The following AKAP1 variants were observed in gnomAD, a reference collection of about 807,000 sequenced individuals.
The protein encoded by AKAP1 is A-kinase anchor protein 1, mitochondrial.
AKAP1 carries 32 observed loss-of-function variants against 79.8 expected under a neutral mutation model. That is an observed-to-expected ratio of 0.40 (90% CI 0.30 to 0.54). The LOEUF is 0.54. Among genes scored for constraint, AKAP1 ranks in the 20% least tolerant of loss-of-function variants. The pLI, the probability that AKAP1 is intolerant of heterozygous loss-of-function variation, is 0.47. For synonymous variants in AKAP1, 416 were observed against 466.7 expected (o/e 0.89, Z 1.40); for missense variants, 961 against 1,138.9 (o/e 0.84, Z 2.25).
chr17:57,107,249 G>T, intron 2 of AKAP1, 71 bp downstream of exon 2: 1 of 1,524,468 alleles, frequency 6.6e-7, no homozygotes, highest in Non-Finnish European at 8.8e-7. Flanking sequence ...CTGCCAGTCT[G>T]CCTCTCCCTT....
At position 57,114,483 on chromosome 17, in the gene AKAP1, G is replaced by A. The variant is rs756066356; in HGVS notation, c.2128G>A (p.Val710Met). 9 of 1,614,070 alleles carry A rather than the reference G, an allele frequency of 5.6e-6. No individual in the cohort carries two copies. The highest frequency in any genetic ancestry group is 2.2e-5 in the East Asian group (1 of 44,882). Residue 710 changes from valine to methionine, a missense_variant, in exon 6 of 11, where the codon GTG (valine) becomes ATG (methionine). Transcript: ENST00000337714. Reference protein sequence around the residue: ...SWLMLPDGITVEVIVVNQVNA... With the variant: ...SWLMLPDGITMEVIVVNQVNA... ...GCTCATGCTGCCTGATGGCATCACC[G>A]TGGAGGTCATTGTGGTCAACCAGGT...
At position 57,107,032 on chromosome 17, in the gene AKAP1, C is replaced by T; in HGVS notation, c.1568C>T (p.Thr523Ile). 6.2e-7 allele frequency: 1 copy of T among 1,614,202 alleles called. No individual in the cohort carries two copies. Among genetic ancestry groups the T allele is most frequent in the Non-Finnish European group, 8.5e-7 (1 of 1,180,040 alleles). Residue 523 changes from threonine to isoleucine, a missense_variant, in exon 2 of 11, where the codon ACC becomes ATC. Transcript: ENST00000337714. ...TSGLEDSCTE[T>I]SSSPRDKAIT... ...GGGCTTGAAGACTCTTGCACAGAGA[C>T]CAGCTCGAGCCCCAGGGACAAGGCC... is the stretch of plus-strand genomic sequence containing the variant.
chr17:57,119,910 T>C (rs1465712627), intron 10 of AKAP1, among the ~76,000 whole-genome samples: 1 of 142,064 alleles, frequency 7.0e-6, no homozygotes, highest in Non-Finnish European at 1.5e-5. Flanking sequence ...TGGCTCACTG[T>C]AACCTCCGCC....
intron 2 of AKAP1, chr17:57,107,805 C>T (rs1415881056): frequency 6.8e-6 from 3 of 439,272 alleles, no homozygotes; most frequent in African/African-American, 2.1e-5. Flanking sequence ...CATGTCTTCA[C>T]CTGCTTTCCT....
intron 5 of AKAP1, 76 bp from the exon 6 acceptor site, chr17:57,114,383 C>T: frequency 1.9e-6 from 3 of 1,542,828 alleles, no homozygotes; most frequent in Non-Finnish European, 2.6e-6. Flanking sequence ...AGAGACTTGC[C>T]CTTGGGTCTC....
rs145637922 is a variant in AKAP1, at chr17:57,120,343, A to G, written c.*19A>G. Reference sequence around the variant, plus strand: ...CCTTTGACCCCCATGCTGCTTCCTGAGAGTCTTTTTTTGCACTGTTGAAAT... The same window carrying G: ...CCTTTGACCCCCATGCTGCTTCCTGGGAGTCTTTTTTTGCACTGTTGAAAT... On this transcript the variant is annotated 3_prime_UTR_variant, in exon 11 of 11. Transcript: ENST00000337714. The G allele has an allele frequency of 8.3e-4, 1,340 of 1,605,286 alleles. 19 individuals carry two copies. In the East Asian group the frequency reaches 0.027, roughly 33 times the overall value.
chr17:57,110,006 G>A lies in AKAP1; in HGVS notation c.1715-19G>A, dbSNP rs1271976852. 1.2e-6 allele frequency: 2 copies of A among 1,612,972 alleles called. No homozygotes were observed. The highest frequency in any genetic ancestry group is 1.3e-5 in the African/African-American group (1 of 74,922). Reference sequence around the variant, plus strand: ...GTGGGGTCTGTGTGTGTGCGTGCCTGCTGCTTCTTCCCCTGCAGGTTCTGA... The same window carrying A: ...GTGGGGTCTGTGTGTGTGCGTGCCTACTGCTTCTTCCCCTGCAGGTTCTGA... On this transcript the variant is annotated intron_variant, in intron 2 of 10. Coordinates refer to ENST00000337714, the MANE Select transcript of AKAP1 (RefSeq NM_003488.4).
chr17:57,111,999 T>C (rs1915276846), intron 4 of AKAP1, 75 bp downstream of exon 4: 1 of 1,543,122 alleles, frequency 6.5e-7, no homozygotes, highest in African/African-American at 1.4e-5. Flanking sequence ...TGAGTTTCAA[T>C]TGCTATCTTT....
At chr17:57,119,830 C>CTTTTTTTTTTCTTTTT (rs1915811222) in intron 10 of AKAP1, among the ~76,000 whole-genome samples, 1 of 70,290 alleles carries the variant, frequency 1.4e-5, no homozygotes, top group Non-Finnish European at 2.5e-5. Flanking sequence ...CCCTGTTACT[C>CTTTTTTTTTTCTTTTT]TTTTTTTTTT....
rs1567906000 is a variant in AKAP1 at position 57,105,804 on chromosome 17, A to G, written c.340A>G (p.Thr114Ala). 3 of 1,614,126 alleles carry G rather than the reference A, an allele frequency of 1.9e-6. No homozygotes were observed. Among genetic ancestry groups the G allele is most frequent in the Non-Finnish European group, 2.5e-6 (3 of 1,180,024 alleles). The stretch of plus-strand genomic sequence containing the variant: ...AGAGTCCTCGGGCATTCTTCCTAAC[A>G]CCACAGACATGAGATTGCGACCAGG... ...RSESSGILPN[T>A]TDMRLRPGTR... The change falls in exon 2 of 11, where the codon ACC (threonine) becomes GCC (alanine). Residue 114 changes from threonine to alanine, a missense_variant. By Grantham distance (58) the Thr-to-Ala change is moderately conservative. Transcript: ENST00000337714.
intron 10 of AKAP1, among the ~76,000 whole-genome samples, chr17:57,119,973 C>T (rs1009713975): frequency 6.6e-6 from 1 of 151,530 alleles, no homozygotes; most frequent in South Asian, 2.1e-4. Context: ...TTACAGGTGC[C>T]TGCCACCACA....
Position 57,113,594 on chromosome 17 carries a change from CTTTT to C in AKAP1, c.2104-842_2104-839del, listed in dbSNP as rs1036422001. On this transcript the variant is annotated intron_variant, in intron 5 of 10. Transcript: ENST00000337714. ...GGAGGCTCGGTCGTAGACTCACTCTCTTTTTTTTTTTTTTTTTTTTTTTTTTGAG... is the reference window on the plus strand; with the variant it reads ...GGAGGCTCGGTCGTAGACTCACTCTCTTTTTTTTTTTTTTTTTTTTTTGAG... Among the ~76,000 whole-genome samples the C allele has an allele frequency of 7.9e-4, 65 of 82,494 alleles. 1 individual carries two copies. The highest frequency in any genetic ancestry group is 3.3e-3 in the African/African-American group (56 of 17,012). 54.1% of individuals were successfully genotyped at this position (82,494 alleles called of 152,430 possible).
At position 57,105,765 on chromosome 17, in the gene AKAP1, C is replaced by T. The variant is rs1183074552; in HGVS notation, c.301C>T (p.Pro101Ser). The T allele has an allele frequency of 1.2e-6, 2 of 1,614,218 alleles. No homozygotes were observed. The highest frequency in any genetic ancestry group is 2.2e-5 in the East Asian group (1 of 44,890). The change falls in exon 2 of 11, where the codon CCT becomes TCT. Residue 101 changes from proline to serine, a missense_variant. Physicochemically the swap from Pro to Ser is moderately conservative, Grantham distance 74. Coordinates refer to ENST00000337714, the MANE Select transcript of AKAP1 (RefSeq NM_003488.4). The stretch of plus-strand genomic sequence containing the variant: ...CCCAGCATTGCTCCAGACACACCCA[C>T]CTTGCCGAAGATCAGAGTCCTCGGG... ...EPPALLQTHP[P>S]CRRSESSGIL...
intron 1 of AKAP1, among the ~76,000 whole-genome samples, chr17:57,097,239 T>C (rs1914173000): frequency 1.0e-5 from 1 of 95,816 alleles, no homozygotes; most frequent in Non-Finnish European, 2.1e-5. Context: ...CCTGGCCCTC[T>C]TTGAGAAAGC....
intron 2 of AKAP1, among the ~76,000 whole-genome samples, chr17:57,107,575 G>A (rs1914973549): frequency 1.3e-5 from 2 of 152,146 alleles, no homozygotes; most frequent in South Asian, 4.1e-4. Context: ...GGGCTCAAGT[G>A]ATCCTTCCGC....
chr17:57,099,725 G>C lies in AKAP1; in HGVS notation c.-24-5716G>C, dbSNP rs117792148. 3.1e-3 allele frequency among the ~76,000 whole-genome samples: 478 copies of C among 152,302 alleles called. 3 individuals are homozygous for C. Among genetic ancestry groups the C allele is most frequent in the South Asian group, 7.1e-3 (34 of 4,822 alleles). On this transcript the variant is annotated intron_variant, in intron 1 of 10. Coordinates refer to ENST00000337714, the MANE Select transcript of AKAP1 (RefSeq NM_003488.4). ...AGTGGTGGTGTCCTGGTAAACTACA[G>C]AGCAGCAGGCAGAGATGGGTGTTGT...
rs1308620702 is a variant in AKAP1, at chr17:57,111,946, T to C, written c.1975+22T>C. 27 of 1,603,886 alleles carry C rather than the reference T, an allele frequency of 1.7e-5. No individual in the cohort carries two copies. In the East Asian group the frequency reaches 6.0e-4, roughly 36 times the overall value. ...GAAGGTCAGTAACATCTGCTGCTTG[T>C]ATTGCCTCTTACCTGAAATATTAAA... On this transcript the variant is annotated intron_variant, in intron 4 of 10. Coordinates refer to ENST00000337714, the MANE Select transcript of AKAP1 (RefSeq NM_003488.4).
At chr17:57,099,490 G>A (rs921672260) in intron 1 of AKAP1, among the ~76,000 whole-genome samples, 1 of 152,156 alleles carries the variant, frequency 6.6e-6, no homozygotes, top group African/African-American at 2.4e-5. Flanking sequence ...AATTTAGGTG[G>A]GACATCCTGG....
At chr17:57,118,888 G>A (rs1201442639) in intron 9 of AKAP1, 94 bp from the exon 10 acceptor site, 9 of 1,404,952 alleles carry the variant, frequency 6.4e-6, no homozygotes, top group African/African-American at 2.8e-5. Flanking sequence ...TCTCTCCCTC[G>A]ACACATGGGG....
Sources: gnomAD v4.1 joint callset for allele counts (sites outside exome capture counted in the v4.1 genomes callset) on GRCh38, gnomAD v4.1.1 for gene constraint, MANE v1.5 for transcripts, NCBI Gene and HGNC (gene_info 2026-07-23, HGNC 2026-07-21) for gene names.